DCC: variants seen among roughly 807,000 people sequenced by gnomAD.
DCC encodes the protein DCC netrin 1 receptor, also known as netrin receptor DCC.
A neutral mutation model predicts 172.5 loss-of-function variants in DCC; 58 were observed. That is an observed-to-expected ratio of 0.34 (90% CI 0.27 to 0.42). The LOEUF is 0.42. Among genes scored for constraint, DCC ranks in the 10% least tolerant of loss-of-function variants. The pLI is 1.00. For missense variants in DCC, 1,740 were observed against 1,791.0 expected, an observed-to-expected ratio of 0.97 and a Z score of 0.51; for synonymous variants, 709 against 644.5, an observed-to-expected ratio of 1.10 and a Z score of -1.52.
intron 15 of DCC, among the ~76,000 whole-genome samples, chr18:53,372,771 G>A (rs952693006): frequency 4.9e-5 from 5 of 102,216 alleles, no homozygotes; most frequent in Admixed American, 9.9e-5. Flanking sequence ...CCAATTCCAC[G>A]GCCTTCCACT....
At chr18:52,961,808 TC>T (rs371799348) in intron 5 of DCC, among the ~76,000 whole-genome samples, 2,037 of 152,092 alleles carry the variant, frequency 0.013, 59 homozygotes, top group African/African-American at 0.047. Flanking sequence ...ATGCCGCATA[TC>T]TACAACCATC....
At chr18:52,923,168 T>C (rs984692697) in intron 3 of DCC, among the ~76,000 whole-genome samples, 2 of 152,172 alleles carry the variant, frequency 1.3e-5, no homozygotes, top group African/African-American at 4.8e-5. Flanking sequence ...TTCAGTTATA[T>C]AAATCTGACT....
chr18:53,048,596 C>T (rs1024790174), intron 5 of DCC, among the ~76,000 whole-genome samples: 3 of 145,900 alleles, frequency 2.1e-5, no homozygotes, highest in African/African-American at 7.7e-5. Context: ...TACGTATATA[C>T]ATACATGTAT....
In DCC at chr18:53,190,458, CTGTGTGTG is replaced by C. The variant is rs67103778; in HGVS notation, c.1573+11380_1573+11387del. Among the ~76,000 whole-genome samples the C allele has an allele frequency of 5.6e-3, 825 of 146,348 alleles. 6 individuals are homozygous for C. The highest frequency in any genetic ancestry group is 0.011 in the African/African-American group (424 of 39,532). On this transcript the variant is annotated intron_variant, in intron 9 of 28. Transcript: ENST00000442544. ...TAATATTCCTACTACACTGCTAACT[CTGTGTGTG>C]TGTGTGTGTGTGTGTGTGTGTGTGT...
At chr18:53,490,166 G>A (rs188107330) in intron 26 of DCC, among the ~76,000 whole-genome samples, 1 of 152,070 alleles carries the variant, frequency 6.6e-6, no homozygotes, top group Non-Finnish European at 1.5e-5. Context: ...AATGAAACTT[G>A]ACCTAGATAA....
intron 5 of DCC, among the ~76,000 whole-genome samples, chr18:53,045,196 A>G (rs769890200): frequency 3.3e-5 from 5 of 151,912 alleles, no homozygotes; most frequent in Admixed American, 6.6e-5. Flanking sequence ...ATGAGAAGGT[A>G]TAGAAAGGAT....
At chr18:53,210,339 G>A (rs1244155017) in intron 11 of DCC, among the ~76,000 whole-genome samples, 3 of 152,198 alleles carry the variant, frequency 2.0e-5, no homozygotes, top group African/African-American at 7.2e-5. Flanking sequence ...CTTTATGTAT[G>A]TTGTAACAGG....
At chr18:52,546,842 A>C (rs2032631344) in intron 1 of DCC, among the ~76,000 whole-genome samples, 1 of 152,068 alleles carries the variant, frequency 6.6e-6, no homozygotes, top group South Asian at 2.1e-4. Context: ...GCAGATGGGA[A>C]CTGCATGTAG....
intron 21 of DCC, among the ~76,000 whole-genome samples, chr18:53,432,371 T>C (rs1275728431): frequency 6.6e-6 from 1 of 152,190 alleles, no homozygotes; most frequent in Non-Finnish European, 1.5e-5. Flanking sequence ...CCTGAGGATC[T>C]AGGACTATGC....
chr18:52,897,357 A>G (rs1257036731), intron 2 of DCC, among the ~76,000 whole-genome samples: 1 of 152,212 alleles, frequency 6.6e-6, no homozygotes, highest in Non-Finnish European at 1.5e-5. Context: ...AGGTAATCTC[A>G]TTATTCCAAA....
At chr18:53,182,500 T>C (rs2055212105) in intron 9 of DCC, among the ~76,000 whole-genome samples, 1 of 152,170 alleles carries the variant, frequency 6.6e-6, no homozygotes, top group African/African-American at 2.4e-5. Flanking sequence ...ATTCAGAATA[T>C]CCTTTACATG....
chr18:53,241,770 T>C (rs2056298290), intron 12 of DCC, among the ~76,000 whole-genome samples: 1 of 152,024 alleles, frequency 6.6e-6, no homozygotes. Flanking sequence ...GCGCACTAAG[T>C]CTGGTATGGG....
chr18:52,732,390 C>T (rs994656031), intron 1 of DCC, among the ~76,000 whole-genome samples: 1 of 152,120 alleles, frequency 6.6e-6, no homozygotes, highest in African/African-American at 2.4e-5. Context: ...ACGATTTATT[C>T]ACTGGAGGTA....
At chr18:52,462,452 G>C (rs552869102) in intron 1 of DCC, among the ~76,000 whole-genome samples, 128 of 152,104 alleles carry the variant, frequency 8.4e-4, no homozygotes, top group Non-Finnish European at 1.5e-3. Context: ...ACACTGCCTC[G>C]TGTCAGCCTC....
At chr18:52,712,124 C>A (rs535936613) in intron 1 of DCC, among the ~76,000 whole-genome samples, 4 of 152,208 alleles carry the variant, frequency 2.6e-5, no homozygotes, top group African/African-American at 9.6e-5. Context: ...CCACACCCAG[C>A]TAATTATTGT....
At chr18:53,416,940 A>AT (rs2145068571) in intron 21 of DCC, among the ~76,000 whole-genome samples, 1 of 152,256 alleles carries the variant, frequency 6.6e-6, no homozygotes, top group East Asian at 1.9e-4. Flanking sequence ...TATGAGTTTT[A>AT]TTTTTTTGAG....
At chr18:53,234,386 C>T (rs1467799537) in intron 12 of DCC, among the ~76,000 whole-genome samples, 1 of 152,052 alleles carries the variant, frequency 6.6e-6, no homozygotes, top group Non-Finnish European at 1.5e-5. Context: ...TAAGATCACA[C>T]CACTGCACTC....
intron 2 of DCC, among the ~76,000 whole-genome samples, chr18:52,821,639 C>G (rs2038408729): frequency 6.6e-6 from 1 of 152,200 alleles, no homozygotes; most frequent in African/African-American, 2.4e-5. Context: ...ATCCAATGGT[C>G]TGCCTCAGTT....
chr18:53,013,286 T>A (rs751480376), intron 5 of DCC, among the ~76,000 whole-genome samples: 1 of 152,078 alleles, frequency 6.6e-6, no homozygotes, highest in Non-Finnish European at 1.5e-5. Context: ...AGTAAAGACT[T>A]GGAACCAACC....
Sources: allele counts gnomAD v4.1 joint callset (sites outside exome capture counted in the v4.1 genomes callset), GRCh38; gene constraint gnomAD v4.1.1; transcripts MANE v1.5; gene names NCBI Gene and HGNC (gene_info 2026-07-23, HGNC 2026-07-21).